Variants in DAAM1 observed in about 807,000 individuals in gnomAD.
DAAM1 encodes the protein disheveled-associated activator of morphogenesis 1.
Under a neutral mutation model 130.0 loss-of-function variants are expected in DAAM1, and 52 were observed. The ratio of observed to expected loss-of-function variants is 0.40; its 90% CI spans 0.32 to 0.50. The LOEUF (loss-of-function observed/expected upper bound fraction) is 0.50. DAAM1 is among the 20% of genes least tolerant of loss of function. The probability of loss-of-function intolerance (pLI) is 0.61; values close to 1 mark genes in which losing one functional copy is unlikely to be tolerated. For missense variants in DAAM1, 1,134 were observed against 1,303.8 expected, an observed-to-expected ratio of 0.87 and a Z score of 2.01; for synonymous variants, 452 against 444.5, an observed-to-expected ratio of 1.02 and a Z score of -0.21.
chr14:59,336,799 A>G (rs911014177), intron 15 of DAAM1, among the ~76,000 whole-genome samples: 3 of 152,204 alleles, frequency 2.0e-5, no homozygotes, highest in African/African-American at 7.2e-5. Context: ...AGATGAAATA[A>G]TTGTATTACT....
chr14:59,231,030 A>G (rs181188195), intron 1 of DAAM1, among the ~76,000 whole-genome samples: 7 of 152,316 alleles, frequency 4.6e-5, no homozygotes, highest in Admixed American at 3.3e-4. Context: ...ACTAAGACAG[A>G]TCAAATTCAG....
intron 2 of DAAM1, among the ~76,000 whole-genome samples, chr14:59,272,332 A>C (rs909167257): frequency 2.6e-5 from 4 of 152,186 alleles, no homozygotes; most frequent in Non-Finnish European, 5.9e-5. Flanking sequence ...TAATCCCAGC[A>C]CTTTGGGAGA....
intron 1 of DAAM1, among the ~76,000 whole-genome samples, chr14:59,233,064 G>A (rs1336370895): frequency 6.6e-6 from 1 of 152,122 alleles, no homozygotes; most frequent in Non-Finnish European, 1.5e-5. Flanking sequence ...TTGGTTCCAT[G>A]TCTTTGGTAT....
chr14:59,189,596 C>T (rs1301941007), intron 1 of DAAM1, among the ~76,000 whole-genome samples: 1 of 151,970 alleles, frequency 6.6e-6, no homozygotes, highest in Admixed American at 6.6e-5. Context: ...GGTGGTAGCG[C>T]GGGGGTGGAG....
At chr14:59,223,550 G>C (rs1039992424) in intron 1 of DAAM1, among the ~76,000 whole-genome samples, 7 of 152,154 alleles carry the variant, frequency 4.6e-5, no homozygotes, top group African/African-American at 1.7e-4. Flanking sequence ...GTTGGAATCT[G>C]CTGGATCATA....
At chr14:59,327,032 A>G in intron 12 of DAAM1, 41 bp downstream of exon 12, 1 of 1,606,164 alleles carries the variant, frequency 6.2e-7, no homozygotes, top group South Asian at 1.1e-5. Flanking sequence ...GTTATTGGTT[A>G]TTGGGTGACC....
At chr14:59,361,163 C>G (rs1286776180) in intron 22 of DAAM1, among the ~76,000 whole-genome samples, 1 of 152,152 alleles carries the variant, frequency 6.6e-6, no homozygotes, top group Non-Finnish European at 1.5e-5. Flanking sequence ...GCTAGATGAT[C>G]TTCAGGGACG....
intron 2 of DAAM1, among the ~76,000 whole-genome samples, chr14:59,268,712 A>G (rs1319044484): frequency 2.0e-5 from 3 of 152,166 alleles, no homozygotes; most frequent in African/African-American, 4.8e-5. Flanking sequence ...TGCTAACCAT[A>G]TATTTTATAC....
At chr14:59,192,838 G>A (rs1462386342) in intron 1 of DAAM1, among the ~76,000 whole-genome samples, 1 of 152,228 alleles carries the variant, frequency 6.6e-6, no homozygotes, top group African/African-American at 2.4e-5. Context: ...AGGATCATGA[G>A]GTCAGGACAT....
At position 59,230,461 on chromosome 14, in the gene DAAM1, A is replaced by G. The variant is rs573283155; in HGVS notation, c.-37-32980A>G. On this transcript the variant is annotated intron_variant, in intron 1 of 24. Coordinates refer to ENST00000360909, the MANE Select transcript of DAAM1 (RefSeq NM_001270520.2). ...ATAACAGATACTAATTAAATTCACC[A>G]GAGACTACTAAGTTATGTAAATATA... 4.0e-4 allele frequency among the ~76,000 whole-genome samples: 61 copies of G among 152,292 alleles called. 1 individual carries two copies. In the South Asian group the frequency reaches 0.01, roughly 26 times the overall value.
intron 12 of DAAM1, 81 bp from the exon 13 acceptor site, chr14:59,330,420 C>A (rs867575869): frequency 1.8e-5 from 24 of 1,313,024 alleles, no homozygotes; most frequent in Middle Eastern, 1.9e-4. Flanking sequence ...CTGCCATCAT[C>A]CTCAGTCAAT....
chr14:59,356,759 A>T (rs1886497948), intron 20 of DAAM1, among the ~76,000 whole-genome samples: 1 of 152,254 alleles, frequency 6.6e-6, no homozygotes, highest in Admixed American at 6.5e-5. Flanking sequence ...ATAACCTGGC[A>T]CTTACGTGAT....
At chr14:59,346,145 G>A (rs1052178715) in intron 16 of DAAM1, among the ~76,000 whole-genome samples, 11 of 148,550 alleles carry the variant, frequency 7.4e-5, no homozygotes, top group Admixed American at 1.3e-4. Flanking sequence ...TTTTGGGGGG[G>A]GGGGGGTGCC....
intron 24 of DAAM1, 103 bp from the exon 25 acceptor site, chr14:59,368,547 T>C (rs1036082365): frequency 1.7e-6 from 2 of 1,182,500 alleles, no homozygotes; most frequent in Non-Finnish European, 2.4e-6. Flanking sequence ...TGAGCATAGC[T>C]TGGTGTCTGG....
At chr14:59,281,113 C>T (rs551723485) in intron 2 of DAAM1, among the ~76,000 whole-genome samples, 3 of 152,156 alleles carry the variant, frequency 2.0e-5, no homozygotes, top group Non-Finnish European at 2.9e-5. Context: ...CCAAAACATA[C>T]CTGCTATGGA....
chr14:59,325,583 CATG>C, intron 8 of DAAM1, 78 bp from the exon 9 acceptor site: 1 of 1,208,112 alleles, frequency 8.3e-7, no homozygotes, highest in East Asian at 2.4e-5. Flanking sequence ...CAGGAAAAAC[CATG>C]ATATTAATGT....
At chr14:59,285,098 A>G (rs922549259) in intron 2 of DAAM1, among the ~76,000 whole-genome samples, 4 of 152,206 alleles carry the variant, frequency 2.6e-5, no homozygotes, top group African/African-American at 9.6e-5. Flanking sequence ...CCATCAAGCT[A>G]ACAGTGGACC....
chr14:59,339,944 C>A, intron 15 of DAAM1, 130 bp from the exon 16 acceptor site: 1 of 598,222 alleles, frequency 1.7e-6, no homozygotes, highest in Non-Finnish European at 2.8e-6. Flanking sequence ...CACTTCCCAC[C>A]ATTTCAGCCT....
intron 3 of DAAM1, among the ~76,000 whole-genome samples, chr14:59,314,988 A>G (rs1279770646): frequency 6.6e-6 from 1 of 152,176 alleles, no homozygotes; most frequent in African/African-American, 2.4e-5. Flanking sequence ...CCCTGAAGGA[A>G]AACAACTTTA....
Sources: gnomAD v4.1 joint callset for allele counts (sites outside exome capture counted in the v4.1 genomes callset) on GRCh38, gnomAD v4.1.1 for gene constraint, MANE v1.5 for transcripts, NCBI Gene and HGNC (gene_info 2026-07-23, HGNC 2026-07-21) for gene names.